The following KRT8 variants were observed in gnomAD, a reference collection of about 807,000 sequenced individuals.
KRT8 encodes the protein keratin 8.
A neutral mutation model predicts 43.0 loss-of-function variants in KRT8; 24 were observed. The observed-to-expected ratio is 0.56, with a 90% confidence interval of 0.40 to 0.78. The LOEUF is 0.78. Among genes scored for constraint, KRT8 ranks in the 30% least tolerant of loss-of-function variants. The probability of loss-of-function intolerance (pLI) is 0.00; values close to 1 mark genes in which losing one functional copy is unlikely to be tolerated. For missense variants in KRT8, 492 were observed against 638.4 expected (o/e 0.77, Z 2.47); for synonymous variants, 214 against 261.2 (o/e 0.82, Z 1.74).
intron 2 of KRT8, among the ~76,000 whole-genome samples, chr12:52,925,957 A>T (rs1490249329): frequency 2.6e-5 from 4 of 151,848 alleles, no homozygotes; most frequent in Non-Finnish European, 4.4e-5. Context: ...CAGTGTTCTC[A>T]TGTTCTCTGT....
chr12:52,899,673 A>G, intron 5 of KRT8, 102 bp downstream of exon 5: 4 of 1,048,142 alleles, frequency 3.8e-6, no homozygotes, highest in Non-Finnish European at 5.7e-6. Context: ...ACCCTGGTCT[A>G]GGATTCCTTC....
At chr12:52,897,752 G>C in intron 7 of KRT8, 134 bp from the exon 8 acceptor site, 1 of 1,221,850 alleles carries the variant, frequency 8.2e-7, no homozygotes, top group South Asian at 1.3e-5. Context: ...ATCAGTGATT[G>C]CATGGTTCAC....
At chr12:52,930,470 C>T (rs1336926682) in intron 2 of KRT8, among the ~76,000 whole-genome samples, 2 of 152,270 alleles carry the variant, frequency 1.3e-5, no homozygotes, top group East Asian at 3.8e-4. Flanking sequence ...ATCCACCCGC[C>T]TCAGCCTCCC....
intron 2 of KRT8, among the ~76,000 whole-genome samples, chr12:52,937,951 G>T (rs1265599706): frequency 6.9e-6 from 1 of 143,974 alleles, no homozygotes; most frequent in East Asian, 2.0e-4. Context: ...AGTGAGCCGA[G>T]ATCGTGCCAT....
chr12:52,915,906 T>A (rs1193855477), intron 2 of KRT8, among the ~76,000 whole-genome samples: 1 of 152,220 alleles, frequency 6.6e-6, no homozygotes, highest in Non-Finnish European at 1.5e-5. Context: ...GTCTACCTTC[T>A]GTACCTTATC....
chr12:52,938,136 C>CTATACATATATATATATATA (rs1555189938), intron 2 of KRT8, among the ~76,000 whole-genome samples: 32 of 44,050 alleles, frequency 7.3e-4, no homozygotes, highest in African/African-American at 2.3e-3. Context: ...CACTAGAAAG[C>CTATACATATATATATATATA]TATATATATA....
rs34460731 is a variant in KRT8 at position 52,931,657 on chromosome 12, C to CATATATATATATATAT, written c.-47+17783_-47+17798dup. On this transcript the variant is annotated intron_variant, in intron 2 of 6. Transcript: ENST00000546826. ...CTTTCTCCACTACTCATTGGCTCCC[C>CATATATATATATATAT]ATATATATATATATATATATTTGAG... Among the ~76,000 whole-genome samples, 156 of 147,218 alleles carry CATATATATATATATAT rather than the reference C, an allele frequency of 1.1e-3. 1 individual carries two copies. Among genetic ancestry groups the CATATATATATATATAT allele is most frequent in the African/African-American group, 3.7e-3 (146 of 39,680 alleles).
intron 2 of KRT8, among the ~76,000 whole-genome samples, chr12:52,925,237 G>A (rs757940638): frequency 6.6e-6 from 1 of 152,182 alleles, no homozygotes. Context: ...TGCAGCTGGA[G>A]GAGGTGTGTA....
At chr12:52,914,649 C>T (rs1941701139) in intron 2 of KRT8, among the ~76,000 whole-genome samples, 1 of 152,244 alleles carries the variant, frequency 6.6e-6, no homozygotes, top group Non-Finnish European at 1.5e-5. Context: ...AAAGGATACA[C>T]ATTCTTGATT....
In KRT8 at chr12:52,901,169, A is replaced by AGGTGGAT; in HGVS notation, c.583_584insATCCACC (p.Leu195HisfsTer10). The AGGTGGAT allele has an allele frequency of 6.2e-7, 1 of 1,610,078 alleles. No homozygotes were observed. Among genetic ancestry groups the AGGTGGAT allele is most frequent in the Non-Finnish European group, 8.5e-7 (1 of 1,176,494 alleles). On this transcript the variant is annotated frameshift_variant, in exon 3 of 8. Transcript: ENST00000692008. LOFTEE classifies it high-confidence loss of function. ...GGGAGACTCCCTCACCTTCTTGATG[A>AGGTGGAT]GGACAAATTCGTTCTCCATCTCTGT...
chr12:52,902,728 G>A (rs1019270424), intron 1 of KRT8, among the ~76,000 whole-genome samples: 1 of 151,938 alleles, frequency 6.6e-6, no homozygotes, highest in African/African-American at 2.4e-5. Flanking sequence ...GATTGAAAAA[G>A]AGGCCGGGCG....
At chr12:52,911,256 G>A (rs1367422181), upstream of KRT8, among the ~76,000 whole-genome samples, 1 of 152,108 alleles carries the variant, frequency 6.6e-6, no homozygotes, top group East Asian at 1.9e-4. Context: ...GGAGACTGAG[G>A]CAGAAGAATC....
intron 2 of KRT8, among the ~76,000 whole-genome samples, chr12:52,941,228 G>GGATGATTTTGTATTTTT (rs1565734146): frequency 1.3e-5 from 2 of 148,840 alleles, no homozygotes; most frequent in Non-Finnish European, 3.0e-5. Flanking sequence ...CACCACGCCC[G>GGATGATTTTGTATTTTT]TCTATAAATC....
At chr12:52,924,557 C>T (rs1195693924) in intron 2 of KRT8, among the ~76,000 whole-genome samples, 1 of 151,826 alleles carries the variant, frequency 6.6e-6, no homozygotes, top group Non-Finnish European at 1.5e-5. Context: ...CCACTGCATT[C>T]CAGCTTGGGC....
In KRT8 at chr12:52,914,272, C is replaced by T. The variant is rs1941692908; in HGVS notation, c.-46-9245G>A. Among the ~76,000 whole-genome samples, 3 of 151,084 alleles carry T rather than the reference C, an allele frequency of 2.0e-5. No homozygotes were observed. In the South Asian group the frequency reaches 6.3e-4, roughly 32 times the overall value. On this transcript the variant is annotated intron_variant, in intron 2 of 6. Transcript: ENST00000546826. ...AAAAAATCCACCGGGTGCAGTGGCT[C>T]ACGCCTGTAATCCCAGCACTTTGGG...
chr12:52,901,461 AGTGTTAACAGCAGG>A lies in KRT8; in HGVS notation c.534-256_534-243del, dbSNP rs1361522912. ...TACACATCGGATTGGACACCTTGAGAGTGTTAACAGCAGGGCCTGACATGAGACCTCAGACAGAA... is the reference window on the plus strand; with the variant it reads ...TACACATCGGATTGGACACCTTGAGAGCCTGACATGAGACCTCAGACAGAA... On this transcript the variant is annotated intron_variant, in intron 2 of 7. Transcript: ENST00000692008. 105 of 577,312 alleles carry A rather than the reference AGTGTTAACAGCAGG, an allele frequency of 1.8e-4. 1 individual carries two copies. Among genetic ancestry groups the A allele is most frequent in the South Asian group, 1.8e-3 (93 of 51,900 alleles). The allele number at this position is 577,312 out of a possible 1,614,324, so 35.8% of individuals were successfully genotyped here. A position where few individuals can be genotyped will look rare whatever the true frequency, so the allele number is the denominator to read the frequency against.
chr12:52,938,172 T>TATATATATA (rs1565733045), intron 2 of KRT8, among the ~76,000 whole-genome samples: 9 of 22,400 alleles, frequency 4.0e-4, no homozygotes, highest in African/African-American at 1.6e-3. Context: ...ATATATATAT[T>TATATATATA]TTTTTTTTTT....
At chr12:52,909,544 C>G (rs1262232397), upstream of KRT8, among the ~76,000 whole-genome samples, 1 of 152,122 alleles carries the variant, frequency 6.6e-6, no homozygotes, top group Non-Finnish European at 1.5e-5. Flanking sequence ...GACTTTTTTG[C>G]TCTTGATCAG....
chr12:52,906,350 G>A (rs766641131), upstream of KRT8, among the ~76,000 whole-genome samples: 4 of 152,184 alleles, frequency 2.6e-5, no homozygotes, highest in Non-Finnish European at 4.4e-5. Flanking sequence ...CATGGGAAGT[G>A]AGACAGGACG....
Sources: allele counts gnomAD v4.1 joint callset (sites outside exome capture counted in the v4.1 genomes callset), GRCh38; gene constraint gnomAD v4.1.1; transcripts MANE v1.5; gene names NCBI Gene and HGNC (gene_info 2026-07-23, HGNC 2026-07-21).